The following IL17RD variants were observed in gnomAD, a reference collection of about 807,000 sequenced individuals.
IL17RD encodes the protein interleukin-17 receptor D.
In IL17RD, 52 loss-of-function variants were observed where a neutral mutation model predicts 80.5. The ratio of observed to expected loss-of-function variants is 0.65; its 90% CI spans 0.52 to 0.81. The LOEUF is 0.81. IL17RD is among the 40% of genes least tolerant of loss of function. IL17RD has a pLI of 0.00. For synonymous variants in IL17RD, 416 were observed against 391.8 expected, an observed-to-expected ratio of 1.06 and a Z score of -0.73; for missense variants, 1,024 against 955.1, an observed-to-expected ratio of 1.07 and a Z score of -0.95.
chr3:57,164,775 C>A (rs2107550742), intron 1 of IL17RD, among the ~76,000 whole-genome samples: 1 of 152,356 alleles, frequency 6.6e-6, no homozygotes, highest in African/African-American at 2.4e-5. Context: ...AAAGCGCAAC[C>A]CGGTCCGGGT....
chr3:57,118,241 T>C (rs1579280591), intron 2 of IL17RD, among the ~76,000 whole-genome samples: 1 of 152,236 alleles, frequency 6.6e-6, no homozygotes. Context: ...ACCCAGCATT[T>C]ACCCAGAACA....
upstream of IL17RD, among the ~76,000 whole-genome samples, chr3:57,166,544 C>T (rs2060349076): frequency 6.6e-6 from 1 of 151,486 alleles, no homozygotes; most frequent in African/African-American, 2.4e-5. Flanking sequence ...AACCTACCAC[C>T]ACCACCACCA....
chr3:57,101,482 C>G (rs1706828381), intron 10 of IL17RD, 119 bp from the exon 11 acceptor site: 1 of 622,074 alleles, frequency 1.6e-6, no homozygotes, highest in East Asian at 2.8e-5. Context: ...CAGTCCCATT[C>G]CCCAACTCCA....
At chr3:57,112,923 C>CT (rs1707131281) in intron 3 of IL17RD, among the ~76,000 whole-genome samples, 1 of 152,236 alleles carries the variant, frequency 6.6e-6, no homozygotes, top group South Asian at 2.1e-4. Flanking sequence ...ATAGCAGCCA[C>CT]TATTCTTTGA....
intron 1 of IL17RD, among the ~76,000 whole-genome samples, chr3:57,151,821 C>G (rs184404179): frequency 1.6e-3 from 244 of 152,272 alleles, no homozygotes; most frequent in African/African-American, 5.5e-3. Flanking sequence ...GCTGTGATCA[C>G]ACCACTGCAC....
At chr3:57,149,250 C>A (rs1708001398) in intron 1 of IL17RD, among the ~76,000 whole-genome samples, 2 of 150,678 alleles carry the variant, frequency 1.3e-5, no homozygotes, top group Non-Finnish European at 2.9e-5. Context: ...GAGCTGAAAT[C>A]ACGCCATTAC....
upstream of IL17RD, chr3:57,169,318 C>T (rs2060360407): frequency 4.0e-6 from 2 of 498,348 alleles, no homozygotes; most frequent in Non-Finnish European, 8.0e-6. Flanking sequence ...TTCACCTCTG[C>T]CCCCATGCCT....
chr3:57,105,863 A>G lies in IL17RD; in HGVS notation c.741T>C (p.Cys247=). Residue 247 remains cysteine, a synonymous_variant, in exon 7 of 13, where the codon TGT becomes TGC. Coordinates refer to ENST00000296318, the MANE Select transcript of IL17RD (RefSeq NM_017563.5). ...KHEGPFKRKT[C]KQEQTTETTS... Reference sequence around the variant, plus strand: ...TATACACCCAGCAGCTCACCTGCTTACAGGTCTTTCGCTTGAAAGGTCCTT... The same window carrying G: ...TATACACCCAGCAGCTCACCTGCTTGCAGGTCTTTCGCTTGAAAGGTCCTT... 1.9e-6 allele frequency: 3 copies of G among 1,613,634 alleles called. No individual in the cohort carries two copies. Among genetic ancestry groups the G allele is most frequent in the Non-Finnish European group, 2.5e-6 (3 of 1,179,752 alleles).
intron 1 of IL17RD, among the ~76,000 whole-genome samples, chr3:57,130,935 C>G (rs575228281): frequency 4.9e-4 from 74 of 152,334 alleles, no homozygotes; most frequent in African/African-American, 1.6e-3. Context: ...TTGAGGCCAG[C>G]CGCCTGGGAG....
upstream of IL17RD, among the ~76,000 whole-genome samples, chr3:57,169,845 C>G (rs1344846524): frequency 6.6e-6 from 1 of 151,706 alleles, no homozygotes; most frequent in African/African-American, 2.4e-5. Context: ...CCCTGAGACC[C>G]CACAAGACTG....
At position 57,098,042 on chromosome 3, in the gene IL17RD, T is replaced by A. The variant is rs1355299778; in HGVS notation, c.1661A>T (p.Asp554Val). Residue 554 changes from aspartate to valine, a missense_variant, in exon 12 of 13, where the codon GAC (aspartate) becomes GTC (valine). Coordinates refer to ENST00000296318, the MANE Select transcript of IL17RD (RefSeq NM_017563.5). Reference protein sequence around the residue: ...VAICNMHQFIDEEPDWFEKQF... With the variant: ...VAICNMHQFIVEEPDWFEKQF... ...CTTTTCGAACCAGTCGGGCTCCTCG[T>A]CAATAAACTGGTGCATGTTGCAAAT... 7.4e-6 allele frequency: 12 copies of A among 1,613,994 alleles called. No homozygotes were observed. Among genetic ancestry groups the A allele is most frequent in the African/African-American group, 1.3e-5 (1 of 75,032 alleles).
chr3:57,127,408 A>AT (rs1266033860), intron 1 of IL17RD, among the ~76,000 whole-genome samples: 6 of 87,232 alleles, frequency 6.9e-5, no homozygotes, highest in African/African-American at 1.3e-4. Context: ...ATATATATAT[A>AT]TATATTTTTT....
At chr3:57,096,528 A>T in intron 12 of IL17RD, 23 bp from the exon 13 acceptor site, 1 of 1,473,090 alleles carries the variant, frequency 6.8e-7, no homozygotes, top group Non-Finnish European at 9.5e-7. Context: ...GAGAGTACAG[A>T]GTCACACTGT....
upstream of IL17RD, among the ~76,000 whole-genome samples, chr3:57,166,030 C>A (rs1000952077): frequency 1.7e-4 from 26 of 152,294 alleles, no homozygotes; most frequent in Middle Eastern, 3.4e-3. Context: ...GAGATCCAAT[C>A]CAGACCTGAC....
chr3:57,124,767 C>T (rs542024697), intron 1 of IL17RD, among the ~76,000 whole-genome samples: 2 of 152,304 alleles, frequency 1.3e-5, no homozygotes, highest in Non-Finnish European at 2.9e-5. Context: ...CTAATATACA[C>T]TCATATAATT....
intron 1 of IL17RD, among the ~76,000 whole-genome samples, chr3:57,154,199 T>G (rs150274057): frequency 4.4e-4 from 66 of 151,358 alleles, no homozygotes; most frequent in Non-Finnish European, 8.7e-4. Context: ...CAACGAGCTA[T>G]AATTGCATGA....
chr3:57,130,410 C>T (rs1214331194), intron 1 of IL17RD, among the ~76,000 whole-genome samples: 1 of 152,172 alleles, frequency 6.6e-6, no homozygotes, highest in African/African-American at 2.4e-5. Flanking sequence ...CACACATATA[C>T]CATAACCACC....
At chr3:57,130,740 A>T (rs942666528) in intron 1 of IL17RD, among the ~76,000 whole-genome samples, 2 of 152,160 alleles carry the variant, frequency 1.3e-5, no homozygotes, top group Non-Finnish European at 2.9e-5. Flanking sequence ...CTAGTCTCTT[A>T]GATAGCAAGT....
intron 1 of IL17RD, among the ~76,000 whole-genome samples, chr3:57,142,134 G>A (rs1707840071): frequency 6.6e-6 from 1 of 152,190 alleles, no homozygotes; most frequent in Non-Finnish European, 1.5e-5. Context: ...GACTTCAAGA[G>A]AGGCATAAAG....
Sources: allele counts gnomAD v4.1 joint callset (sites outside exome capture counted in the v4.1 genomes callset), GRCh38; gene constraint gnomAD v4.1.1; transcripts MANE v1.5; gene names NCBI Gene and HGNC (gene_info 2026-07-23, HGNC 2026-07-21).